The following RNF216 variants were observed in gnomAD, a reference collection of about 807,000 sequenced individuals.
The protein encoded by RNF216 is E3 ubiquitin-protein ligase RNF216.
RNF216 carries 72 observed loss-of-function variants against 110.8 expected under a neutral mutation model. The ratio of observed to expected loss-of-function variants is 0.65; its 90% CI spans 0.54 to 0.79. The LOEUF (loss-of-function observed/expected upper bound fraction) is 0.79. Ranked by LOEUF, RNF216 falls within the 30% of genes least tolerant of loss-of-function variation. The pLI is 0.00. For synonymous variants in RNF216, 495 were observed against 407.5 expected, an observed-to-expected ratio of 1.21 and a Z score of -2.59; for missense variants, 1,342 against 1,141.2, an observed-to-expected ratio of 1.18 and a Z score of -2.54.
intron 5 of RNF216, among the ~76,000 whole-genome samples, chr7:5,734,418 T>G (rs989777134): frequency 6.6e-6 from 1 of 152,198 alleles, no homozygotes; most frequent in African/African-American, 2.4e-5. Context: ...TTCTTGAAGA[T>G]TTCTGGGTTG....
chr7:5,647,271 G>C (rs555649928), intron 14 of RNF216, among the ~76,000 whole-genome samples: 29 of 150,988 alleles, frequency 1.9e-4, no homozygotes, highest in African/African-American at 6.8e-4. Context: ...CTAAAGTTTG[G>C]TGAACAATGC....
intron 13 of RNF216, among the ~76,000 whole-genome samples, chr7:5,677,988 G>T (rs1262210907): frequency 6.6e-6 from 1 of 151,998 alleles, no homozygotes; most frequent in Admixed American, 6.6e-5. Context: ...TTTCCAGGGG[G>T]TAACCAGATT....
At chr7:5,736,706 G>C (rs549951544) in intron 5 of RNF216, among the ~76,000 whole-genome samples, 1 of 151,648 alleles carries the variant, frequency 6.6e-6, no homozygotes, top group South Asian at 2.1e-4. Context: ...CATCATCTGA[G>C]ACGTGGGGAG....
chr7:5,779,960 C>T (rs73048736), intron 1 of RNF216: 4,883 of 152,082 alleles, frequency 0.032, 118 homozygotes, highest in Middle Eastern at 0.048. Context: ...CACCTACATC[C>T]CATTCAGTAA....
intron 13 of RNF216, among the ~76,000 whole-genome samples, chr7:5,664,260 G>A (rs1789360037): frequency 1.3e-5 from 2 of 152,114 alleles, no homozygotes; most frequent in South Asian, 2.1e-4. Context: ...AGTATTTTAT[G>A]AGAAAATGAA....
chr7:5,758,185 C>T (rs1267419291), intron 2 of RNF216, among the ~76,000 whole-genome samples: 1 of 152,068 alleles, frequency 6.6e-6, no homozygotes, highest in Non-Finnish European at 1.5e-5. Flanking sequence ...TAAAAAACAA[C>T]TATAAAATTA....
intron 2 of RNF216, among the ~76,000 whole-genome samples, chr7:5,755,118 A>C (rs1795554507): frequency 6.8e-6 from 1 of 147,316 alleles, no homozygotes; most frequent in African/African-American, 2.5e-5. Context: ...GAAGGAAAGG[A>C]AGGAAAGGAA....
intron 8 of RNF216, among the ~76,000 whole-genome samples, chr7:5,722,408 G>C (rs1428705927): frequency 9.7e-6 from 1 of 103,458 alleles, no homozygotes; most frequent in Admixed American, 1.0e-4. Flanking sequence ...GTTTTTTTTT[G>C]AGACAGAGTC....
intron 13 of RNF216, among the ~76,000 whole-genome samples, chr7:5,669,029 C>T (rs3823681): frequency 0.34 from 52,205 of 152,072 alleles, 10,385 homozygotes; most frequent in East Asian, 0.76. Flanking sequence ...GTTCTGTGGA[C>T]CTAATATTAT....
At chr7:5,750,752 T>A (rs1795286337) in intron 3 of RNF216, among the ~76,000 whole-genome samples, 1 of 152,212 alleles carries the variant, frequency 6.6e-6, no homozygotes, top group Non-Finnish European at 1.5e-5. Context: ...ACTCTTACTC[T>A]CCTTAATCTT....
chr7:5,770,799 A>T (rs993195386), intron 1 of RNF216, among the ~76,000 whole-genome samples: 1 of 151,722 alleles, frequency 6.6e-6, no homozygotes, highest in Non-Finnish European at 1.5e-5. Context: ...TGCAGAACAG[A>T]TTCTTTTTTT....
chr7:5,759,618 G>A (rs906154273), intron 2 of RNF216, among the ~76,000 whole-genome samples: 1 of 122,956 alleles, frequency 8.1e-6, no homozygotes, highest in Non-Finnish European at 1.7e-5. Flanking sequence ...AAGTTTTGGT[G>A]GAGTCATTTT....
chr7:5,770,233 G>A (rs1796426388), intron 1 of RNF216, among the ~76,000 whole-genome samples: 1 of 150,614 alleles, frequency 6.6e-6, no homozygotes, highest in African/African-American at 2.4e-5. Context: ...AGGCCAAGGT[G>A]GGCGGATCGC....
intron 13 of RNF216, among the ~76,000 whole-genome samples, chr7:5,694,045 G>T (rs1331133169): frequency 6.6e-6 from 1 of 152,128 alleles, no homozygotes; most frequent in African/African-American, 2.4e-5. Flanking sequence ...GGCATCATGG[G>T]TTTATTCCAA....
chr7:5,764,786 G>A (rs1796115526), intron 1 of RNF216, among the ~76,000 whole-genome samples: 1 of 152,138 alleles, frequency 6.6e-6, no homozygotes, highest in South Asian at 2.1e-4. Flanking sequence ...AAGGGTAGCG[G>A]CTGGGTGCAG....
intron 2 of RNF216, chr7:5,760,382 G>A (rs1308893797): frequency 3.2e-6 from 1 of 307,736 alleles, no homozygotes; most frequent in Non-Finnish European, 6.6e-6. Flanking sequence ...AGGGCGTAGT[G>A]GCACATGCCT....
At chr7:5,723,595 C>T (rs1172258849) in intron 8 of RNF216, among the ~76,000 whole-genome samples, 9 of 151,268 alleles carry the variant, frequency 5.9e-5, no homozygotes, top group Admixed American at 1.3e-4. Context: ...TGCAGTGAGC[C>T]GAGATTGCGC....
At chr7:5,743,309 T>C (rs1486232523) in intron 3 of RNF216, among the ~76,000 whole-genome samples, 1 of 152,124 alleles carries the variant, frequency 6.6e-6, no homozygotes, top group African/African-American at 2.4e-5. Context: ...AAAAAATGTA[T>C]GTCTGTCATC....
intron 8 of RNF216, among the ~76,000 whole-genome samples, chr7:5,721,512 C>T (rs562116775): frequency 2.6e-5 from 4 of 152,314 alleles, no homozygotes; most frequent in South Asian, 4.1e-4. Context: ...ATCTGAATAG[C>T]GCTGCTTATA....
Sources: gnomAD v4.1 joint callset for allele counts (sites outside exome capture counted in the v4.1 genomes callset) on GRCh38, gnomAD v4.1.1 for gene constraint, MANE v1.5 for transcripts, NCBI Gene and HGNC (gene_info 2026-07-23, HGNC 2026-07-21) for gene names.